TLK1: variants seen among roughly 807,000 people sequenced by gnomAD.
TLK1 encodes serine/threonine-protein kinase tousled-like 1.
Under a neutral mutation model 105.3 loss-of-function variants are expected in TLK1, and 24 were observed. That is an observed-to-expected ratio of 0.23 (90% CI 0.17 to 0.32). The LOEUF (loss-of-function observed/expected upper bound fraction) is 0.32, where lower values mean the gene tolerates loss of function less well. TLK1 is among the 10% of genes least tolerant of loss of function. The pLI, the probability that TLK1 is intolerant of heterozygous loss-of-function variation, is 1.00. For synonymous variants in TLK1, 321 were observed against 310.4 expected (o/e 1.03, Z -0.36); for missense variants, 558 against 910.5 (o/e 0.61, Z 4.98).
intron 1 of TLK1, among the ~76,000 whole-genome samples, chr2:171,212,886 C>T (rs1398582566): frequency 1.1e-4 from 5 of 44,348 alleles, no homozygotes; most frequent in South Asian, 1.4e-3. Flanking sequence ...CAGCAAAAAG[C>T]GTTTTGTTTT....
Position 171,053,756 on chromosome 2 carries a change from C to T in TLK1, c.732+5G>A, listed in dbSNP as rs1687362667. Reference sequence around the variant, plus strand: ...TTTTTTTCCCCTCTATGACTCATTACTTACCCTGAGCAAATCATCTATACG... The same window carrying T: ...TTTTTTTCCCCTCTATGACTCATTATTTACCCTGAGCAAATCATCTATACG... On this transcript the variant is annotated splice_donor_5th_base_variant and intron_variant, in intron 8 of 20. Transcript: ENST00000431350. 1 of 1,596,408 alleles carries T rather than the reference C, an allele frequency of 6.3e-7. No homozygotes were observed. Among genetic ancestry groups the T allele is most frequent in the Admixed American group, 1.8e-5 (1 of 56,780 alleles).
chr2:171,156,317 C>A (rs1692230858), intron 1 of TLK1, among the ~76,000 whole-genome samples: 1 of 152,166 alleles, frequency 6.6e-6, no homozygotes, highest in African/African-American at 2.4e-5. Flanking sequence ...GGTCTAGTTT[C>A]TTTGGTTTTA....
intron 1 of TLK1, among the ~76,000 whole-genome samples, chr2:171,182,691 G>A (rs950536097): frequency 7.2e-5 from 11 of 151,978 alleles, no homozygotes; most frequent in Admixed American, 3.3e-4. Flanking sequence ...GGGCTGAGGC[G>A]GGAAGATTGC....
intron 20 of TLK1, among the ~76,000 whole-genome samples, chr2:170,995,996 A>G (rs544484381): frequency 7.6e-6 from 1 of 132,334 alleles, no homozygotes; most frequent in African/African-American, 2.9e-5. Context: ...GCCACCGCGC[A>G]TGGCCTATTT....
In TLK1 at chr2:171,053,826, C is replaced by T. The variant is rs372205723; in HGVS notation, c.667G>A (p.Ala223Thr). The T allele has an allele frequency of 1.2e-6, 2 of 1,609,248 alleles. No homozygotes were observed. The highest frequency in any genetic ancestry group is 8.5e-7 in the Non-Finnish European group (1 of 1,177,772). Residue 223 changes from alanine (A) to threonine (T), a missense_variant, in exon 8 of 21, where the codon GCA (alanine) becomes ACA (threonine). Ala to Thr is a moderately conservative substitution (Grantham distance 58). Coordinates refer to ENST00000431350, the MANE Select transcript of TLK1 (RefSeq NM_012290.5). ...QTDLTMLKLA[A>T]LESNKIQDLE... is the part of the protein sequence containing the mutation. ...TCCTGGATTTTATTACTTTCTAATG[C>T]TGCTAATTTCAGCATTGTGAGATCA...
intron 3 of TLK1, among the ~76,000 whole-genome samples, chr2:171,067,747 T>G (rs1688069021): frequency 6.6e-6 from 1 of 152,144 alleles, no homozygotes; most frequent in Non-Finnish European, 1.5e-5. Context: ...TTTCTCCTTA[T>G]GCTATCCCTC....
rs563366042 is a variant in TLK1 at position 171,117,793 on chromosome 2, A to G, written c.204T>C (p.Thr68=). The part of the protein sequence containing the change: ...RRQELLEARF[T]GVASGSTGST... The stretch of plus-strand genomic sequence containing the variant: ...TTCCAGTGCTCCCACTTGCAACTCC[A>G]GTAAATCTAGCTTCCAATAACTCTT... The change falls in exon 2 of 21, where the codon ACT becomes ACC. Residue 68 remains threonine, a synonymous_variant. Coordinates refer to ENST00000431350, the MANE Select transcript of TLK1 (RefSeq NM_012290.5). 2.5e-6 allele frequency: 4 copies of G among 1,614,054 alleles called. No homozygotes were observed. The Admixed American group carries it at 6.7e-5, about 27-fold the overall frequency.
At chr2:171,080,489 A>G (rs1271540536) in intron 3 of TLK1, among the ~76,000 whole-genome samples, 10 of 149,992 alleles carry the variant, frequency 6.7e-5, no homozygotes, top group Non-Finnish European at 1.3e-4. Context: ...CTATACAGAT[A>G]AAACCTGGGA....
intron 3 of TLK1, among the ~76,000 whole-genome samples, chr2:171,074,541 T>C (rs528045891): frequency 6.6e-5 from 10 of 150,734 alleles, no homozygotes; most frequent in Non-Finnish European, 1.2e-4. Context: ...GGCCAGAGAA[T>C]TGCTGAGCCC....
At chr2:171,177,645 A>T (rs1316718550) in intron 1 of TLK1, among the ~76,000 whole-genome samples, 5 of 152,240 alleles carry the variant, frequency 3.3e-5, no homozygotes, top group African/African-American at 7.2e-5. Flanking sequence ...TTTTCAACTA[A>T]CAAAGTGATA....
intron 12 of TLK1, among the ~76,000 whole-genome samples, chr2:171,018,736 C>G (rs1685326783): frequency 6.6e-6 from 1 of 152,082 alleles, no homozygotes; most frequent in African/African-American, 2.4e-5. Flanking sequence ...AAGTTTCAGT[C>G]CTGAATTCAT....
At chr2:171,076,387 G>A (rs1305395038) in intron 3 of TLK1, among the ~76,000 whole-genome samples, 1 of 152,008 alleles carries the variant, frequency 6.6e-6, no homozygotes, top group Non-Finnish European at 1.5e-5. Flanking sequence ...TTCTACCACG[G>A]GGTGATGATC....
intron 1 of TLK1, among the ~76,000 whole-genome samples, chr2:171,134,530 T>C (rs886888364): frequency 4.6e-5 from 7 of 152,120 alleles, no homozygotes; most frequent in African/African-American, 1.7e-4. Flanking sequence ...AATGAAAAGA[T>C]GCTCACATCC....
At chr2:171,031,688 C>G (rs1476193703) in intron 11 of TLK1, among the ~76,000 whole-genome samples, 1 of 152,074 alleles carries the variant, frequency 6.6e-6, no homozygotes, top group African/African-American at 2.4e-5. Flanking sequence ...GACTTGACTC[C>G]TGATAATCTT....
At chr2:171,072,255 A>C (rs1201443230) in intron 3 of TLK1, among the ~76,000 whole-genome samples, 2 of 152,064 alleles carry the variant, frequency 1.3e-5, no homozygotes, top group Non-Finnish European at 2.9e-5. Context: ...ATTTTTTTGC[A>C]TACTCTTCAA....
intron 1 of TLK1, among the ~76,000 whole-genome samples, chr2:171,132,456 A>T (rs1318737204): frequency 1.3e-5 from 2 of 152,148 alleles, no homozygotes; most frequent in East Asian, 3.8e-4. Context: ...ACCCCCCCCA[A>T]CACGAGTTTC....
intron 3 of TLK1, among the ~76,000 whole-genome samples, chr2:171,077,381 T>C (rs138900168): frequency 1.6e-3 from 240 of 152,342 alleles, no homozygotes; most frequent in African/African-American, 5.0e-3. Context: ...ATCACAGCTC[T>C]GCTATGACTC....
intron 20 of TLK1, among the ~76,000 whole-genome samples, chr2:170,994,883 C>T (rs1683980275): frequency 6.6e-6 from 1 of 152,050 alleles, no homozygotes; most frequent in South Asian, 2.1e-4. Context: ...AAAATATTCT[C>T]AGGAGGTAAC....
At chr2:171,049,139 C>A (rs1306521097) in intron 10 of TLK1, among the ~76,000 whole-genome samples, 2 of 152,112 alleles carry the variant, frequency 1.3e-5, no homozygotes, top group South Asian at 2.1e-4. Context: ...ATGAAGGAGG[C>A]AGAGACAGGG....
Sources: gnomAD v4.1 joint callset for allele counts (sites outside exome capture counted in the v4.1 genomes callset) on GRCh38, gnomAD v4.1.1 for gene constraint, MANE v1.5 for transcripts, NCBI Gene and HGNC (gene_info 2026-07-23, HGNC 2026-07-21) for gene names.